KLHL29: variants seen among roughly 807,000 people sequenced by gnomAD.
KLHL29 encodes kelch like family member 29.
A neutral mutation model predicts 80.4 loss-of-function variants in KLHL29; 21 were observed. The observed-to-expected ratio is 0.26, with a 90% CI of 0.19 to 0.38. KLHL29 has a LOEUF of 0.38. KLHL29 is among the 10% of genes least tolerant of loss of function. KLHL29 has a pLI of 1.00. For synonymous variants in KLHL29, 511 were observed against 526.8 expected (o/e 0.97, Z 0.41); for missense variants, 867 against 1,223.9 (o/e 0.71, Z 4.35).
At chr2:23,495,514 G>A (rs924048401) in intron 2 of KLHL29, among the ~76,000 whole-genome samples, 5 of 152,176 alleles carry the variant, frequency 3.3e-5, no homozygotes, top group Admixed American at 3.3e-4. Context: ...TTTATCTTCT[G>A]CCCTGGGTGG....
At position 23,681,813 on chromosome 2, in the gene KLHL29, C is replaced by T. The variant is rs905842635; in HGVS notation, c.941-2586C>T. Among the ~76,000 whole-genome samples, 4 of 152,180 alleles carry T rather than the reference C, an allele frequency of 2.6e-5. No homozygotes were observed. Among genetic ancestry groups the T allele is most frequent in the Non-Finnish European group, 5.9e-5 (4 of 68,028 alleles). ...AAAAGGGGATGTCATCTACCTGGCT[C>T]GTGGTTTGGGCATTAATTCGGCTGG... On this transcript the variant is annotated intron_variant, in intron 5 of 13. Transcript: ENST00000486442. The surrounding 1 kb of genome is among the most constrained non-coding windows in gnomAD (Gnocchi z 4.2).
chr2:23,658,918 G>A (rs1296483905), intron 5 of KLHL29, among the ~76,000 whole-genome samples: 1 of 152,126 alleles, frequency 6.6e-6, no homozygotes, highest in Non-Finnish European at 1.5e-5. Flanking sequence ...GTCAGAATTC[G>A]GAGGCCCCAG....
At chr2:23,646,163 A>G (rs1318653768) in intron 5 of KLHL29, among the ~76,000 whole-genome samples, 1 of 152,118 alleles carries the variant, frequency 6.6e-6, no homozygotes, top group Non-Finnish European at 1.5e-5. Flanking sequence ...AGTACCTAAG[A>G]CATTTGTCTC....
intron 2 of KLHL29, among the ~76,000 whole-genome samples, chr2:23,482,941 T>C (rs137987064): frequency 5.9e-5 from 9 of 152,238 alleles, no homozygotes; most frequent in Admixed American, 5.9e-4. Context: ...ACTTTCGCCC[T>C]GCCTGCAAGG....
In KLHL29 at chr2:23,681,024, C is replaced by T. The variant is rs1023752830; in HGVS notation, c.941-3375C>T. Among the ~76,000 whole-genome samples, 1 of 152,222 alleles carries T rather than the reference C, an allele frequency of 6.6e-6. No homozygotes were observed. On this transcript the variant is annotated intron_variant, in intron 5 of 13. Coordinates refer to ENST00000486442, the MANE Select transcript of KLHL29 (RefSeq NM_052920.2). The surrounding 1 kb of genome is among the most constrained non-coding windows in gnomAD (Gnocchi z 4.2). ...AGCTTCTCAGAGATCAGGGAGTGTCCTTTGCCAAAACATGGGGCAGGGAGG... is the reference window on the plus strand; with the variant it reads ...AGCTTCTCAGAGATCAGGGAGTGTCTTTTGCCAAAACATGGGGCAGGGAGG...
At chr2:23,532,815 C>T (rs185122502) in intron 2 of KLHL29, among the ~76,000 whole-genome samples, 15 of 152,222 alleles carry the variant, frequency 9.9e-5, no homozygotes, top group Admixed American at 6.5e-4. Flanking sequence ...AATCGAGGCG[C>T]GTTCAGGGTA....
In KLHL29 at chr2:23,457,998, G is replaced by A. The variant is rs547093735; in HGVS notation, c.-153-17562G>A. On this transcript the variant is annotated intron_variant, in intron 1 of 13. Transcript: ENST00000486442. This position sits in a 1 kb window ranked among gnomAD's most constrained non-coding sequence, Gnocchi z 4.3. Reference sequence around the variant, plus strand: ...ACTGCACTCCAGCCTGGGCGACAGAGCGAGACTCTGTCTCAAAAAATAAAA... The same window carrying A: ...ACTGCACTCCAGCCTGGGCGACAGAACGAGACTCTGTCTCAAAAAATAAAA... Among the ~76,000 whole-genome samples, 15 of 152,232 alleles carry A rather than the reference G, an allele frequency of 9.9e-5. No homozygotes were observed. In the East Asian group the frequency reaches 2.5e-3, roughly 25 times the overall value.
rs114881793 is a variant in KLHL29, at chr2:23,529,880, G to A, written c.-45-32272G>A. 6.1e-3 allele frequency among the ~76,000 whole-genome samples: 929 copies of A among 152,274 alleles called. 8 individuals carry two copies. Among genetic ancestry groups the A allele is most frequent in the African/African-American group, 0.021 (864 of 41,544 alleles). On this transcript the variant is annotated intron_variant, in intron 2 of 13. Transcript: ENST00000486442. ...ACAAAGGCTTGCCCGTTGCAGTATC[G>A]AGGACTGAGTCTCAGGTGTGCCCAT...
At chr2:23,407,916 G>T (rs1280355595) in intron 1 of KLHL29, among the ~76,000 whole-genome samples, 1 of 151,894 alleles carries the variant, frequency 6.6e-6, no homozygotes, top group Non-Finnish European at 1.5e-5. Flanking sequence ...TTTTGTTGTT[G>T]TTGTTGTTGT....
Position 23,695,581 on chromosome 2 carries a change from C to T in KLHL29, c.1543-42C>T, listed in dbSNP as rs779049283. ...TTCTTTCCGTCCGGGAGGTGGCTCT[C>T]TCTTGCTAGTCTAAGAAGATTCTGT... On this transcript the variant is annotated intron_variant, in intron 8 of 13. Coordinates refer to ENST00000486442, the MANE Select transcript of KLHL29 (RefSeq NM_052920.2). The surrounding 1 kb of genome is among the most constrained non-coding windows in gnomAD (Gnocchi z 7.6). 2.2e-5 allele frequency: 31 copies of T among 1,412,856 alleles called. 1 individual carries two copies. Among genetic ancestry groups the T allele is most frequent in the Middle Eastern group, 3.5e-4 (2 of 5,636 alleles). The allele number at this position is 1,412,856 out of a possible 1,614,324, so 87.5% of individuals were successfully genotyped here.
intron 1 of KLHL29, among the ~76,000 whole-genome samples, chr2:23,420,549 C>T (rs556395627): frequency 6.6e-6 from 1 of 152,280 alleles, no homozygotes; most frequent in East Asian, 1.9e-4. Context: ...TTCTGCCGCA[C>T]CTTTCTTAGT....
At chr2:23,688,818 A>T (rs1176797274) in intron 6 of KLHL29, 1 of 152,222 alleles carries the variant, frequency 6.6e-6, no homozygotes, top group Non-Finnish European at 1.5e-5. Context: ...CATTCACTCC[A>T]TGGGGCCCGG....
intron 5 of KLHL29, among the ~76,000 whole-genome samples, chr2:23,646,230 G>T (rs973529427): frequency 2.0e-5 from 3 of 152,152 alleles, no homozygotes; most frequent in Non-Finnish European, 4.4e-5. Context: ...CCAAGCTCAG[G>T]CCTCGGTGAG....
At chr2:23,420,199 C>A (rs1396235624) in intron 1 of KLHL29, among the ~76,000 whole-genome samples, 1 of 152,138 alleles carries the variant, frequency 6.6e-6, no homozygotes, top group Admixed American at 6.5e-5. Flanking sequence ...ATCGTCTATC[C>A]AATAAGAACA....
intron 2 of KLHL29, among the ~76,000 whole-genome samples, chr2:23,493,093 G>A (rs896411816): frequency 4.6e-5 from 7 of 152,196 alleles, no homozygotes; most frequent in South Asian, 2.1e-4. Context: ...CAGCCCTGTC[G>A]TCTTTGCCCT....
At chr2:23,557,886 T>G (rs1667338677) in intron 2 of KLHL29, among the ~76,000 whole-genome samples, 2 of 152,164 alleles carry the variant, frequency 1.3e-5, no homozygotes, top group South Asian at 4.1e-4. Flanking sequence ...AGGTAACACA[T>G]AGACTGCCAA....
At chr2:23,663,867 G>A (rs142004572) in intron 5 of KLHL29, among the ~76,000 whole-genome samples, 74 of 152,292 alleles carry the variant, frequency 4.9e-4, no homozygotes, top group African/African-American at 1.7e-3. Context: ...AAATCAAACG[G>A]ACACATCGCT....
At chr2:23,479,498 G>A (rs931412179) in intron 2 of KLHL29, among the ~76,000 whole-genome samples, 3 of 152,046 alleles carry the variant, frequency 2.0e-5, no homozygotes, top group Admixed American at 2.0e-4. Flanking sequence ...CTGCCAGGAA[G>A]GGAAGCTGTT....
Position 23,706,922 on chromosome 2 carries a change from G to A in KLHL29, c.*258G>A, listed in dbSNP as rs886869918. 11 of 389,088 alleles carry A rather than the reference G, an allele frequency of 2.8e-5. No individual in the cohort carries two copies. Among genetic ancestry groups the A allele is most frequent in the Non-Finnish European group, 4.6e-5 (10 of 219,102 alleles). 24.1% of individuals were successfully genotyped at this position (389,088 alleles called of 1,614,324 possible). A position where few individuals can be genotyped will look rare whatever the true frequency, so the allele number is the denominator to read the frequency against. On this transcript the variant is annotated 3_prime_UTR_variant, in exon 14 of 14. Transcript: ENST00000486442. Reference sequence around the variant, plus strand: ...GGCTGCCTCCTGAACAGGGGCGCTCGCTCTGCCAGGTGCAATAGAGTTTCA... The same window carrying A: ...GGCTGCCTCCTGAACAGGGGCGCTCACTCTGCCAGGTGCAATAGAGTTTCA...
Sources: allele counts gnomAD v4.1 joint callset (sites outside exome capture counted in the v4.1 genomes callset), GRCh38; gene constraint gnomAD v4.1.1; non-coding constraint Gnocchi (gnomAD v3.1); transcripts MANE v1.5; gene names NCBI Gene and HGNC (gene_info 2026-07-23, HGNC 2026-07-21).